SLC38A1: variants seen among roughly 807,000 people sequenced by gnomAD.
The protein encoded by SLC38A1 is sodium-coupled neutral amino acid symporter 1.
Under a neutral mutation model 60.3 loss-of-function variants are expected in SLC38A1, and 18 were observed. That is an observed-to-expected ratio of 0.30 (90% confidence interval 0.21 to 0.44). The LOEUF (loss-of-function observed/expected upper bound fraction) is 0.44, where lower values mean the gene tolerates loss of function less well. Among genes scored for constraint, SLC38A1 ranks in the 20% least tolerant of loss-of-function variants. The probability of loss-of-function intolerance (pLI) is 1.00; values close to 1 mark genes in which losing one functional copy is unlikely to be tolerated. For synonymous variants in SLC38A1, 196 were observed against 212.1 expected (o/e 0.92, Z 0.66); for missense variants, 448 against 587.2 (o/e 0.76, Z 2.45).
At chr12:46,232,654 T>C (rs1238644084) in intron 3 of SLC38A1, among the ~76,000 whole-genome samples, 1 of 152,238 alleles carries the variant, frequency 6.6e-6, no homozygotes, top group Non-Finnish European at 1.5e-5. Flanking sequence ...TTAAGTGTTG[T>C]TGTCAAAAGA....
chr12:46,250,848 C>G (rs767015892), intron 1 of SLC38A1, among the ~76,000 whole-genome samples: 1 of 152,116 alleles, frequency 6.6e-6, no homozygotes, highest in Non-Finnish European at 1.5e-5. Context: ...AAAGAGGACA[C>G]AAACAAATGG....
At chr12:46,254,987 T>C (rs1390986019) in intron 1 of SLC38A1, 1 of 152,258 alleles carries the variant, frequency 6.6e-6, no homozygotes, top group East Asian at 1.9e-4. Context: ...GTCAAAAAGA[T>C]TACTTTAGTC....
At chr12:46,196,550 C>A (rs1446566799) in intron 16 of SLC38A1, among the ~76,000 whole-genome samples, 1 of 152,198 alleles carries the variant, frequency 6.6e-6, no homozygotes, top group East Asian at 1.9e-4. Flanking sequence ...TAAGCCCCTA[C>A]AGATAAGGCT....
chr12:46,256,613 G>GCGCACACACACACACACACACA (rs1555192371), intron 1 of SLC38A1, among the ~76,000 whole-genome samples: 1 of 107,460 alleles, frequency 9.3e-6, no homozygotes, highest in African/African-American at 3.5e-5. Flanking sequence ...GCGCGCGCGC[G>GCGCACACACACACACACACACA]CACACACACA....
intron 2 of SLC38A1, among the ~76,000 whole-genome samples, chr12:46,241,509 G>A (rs1941447203): frequency 6.6e-6 from 1 of 152,154 alleles, no homozygotes; most frequent in African/African-American, 2.4e-5. Flanking sequence ...TAGGAACCTT[G>A]TCTTGTCTTC....
chr12:46,193,759 CT>C (rs371675671), intron 16 of SLC38A1, among the ~76,000 whole-genome samples: 40 of 147,034 alleles, frequency 2.7e-4, no homozygotes, highest in East Asian at 3.9e-4. Context: ...GCAAGTCCTG[CT>C]TTTTTTTTTG....
intron 9 of SLC38A1, 131 bp from the exon 10 acceptor site, chr12:46,204,721 AT>A: frequency 1.6e-6 from 1 of 638,290 alleles, no homozygotes; most frequent in South Asian, 2.2e-5. Context: ...TTTGAAGCAT[AT>A]TTTAGAGATC....
chr12:46,205,479 G>T (rs1433738131), intron 9 of SLC38A1, among the ~76,000 whole-genome samples: 2 of 152,070 alleles, frequency 1.3e-5, no homozygotes, highest in Non-Finnish European at 2.9e-5. Flanking sequence ...TGGCAGTCTG[G>T]TCACATTATT....
chr12:46,222,955 A>C (rs1049953673), intron 5 of SLC38A1, among the ~76,000 whole-genome samples: 4 of 152,360 alleles, frequency 2.6e-5, no homozygotes, highest in African/African-American at 9.6e-5. Flanking sequence ...TTGGTGGAAC[A>C]CTAGCAAGAT....
intron 5 of SLC38A1, among the ~76,000 whole-genome samples, chr12:46,221,582 C>T (rs1432918035): frequency 1.3e-5 from 2 of 152,130 alleles, no homozygotes; most frequent in Admixed American, 1.3e-4. Flanking sequence ...TGCCCTAAAG[C>T]CTTGTTTCTG....
chr12:46,217,672 C>G (rs1173091296), intron 5 of SLC38A1, among the ~76,000 whole-genome samples: 1 of 152,204 alleles, frequency 6.6e-6, no homozygotes, highest in Non-Finnish European at 1.5e-5. Flanking sequence ...CATAATTATT[C>G]AGTCCTAAAG....
At chr12:46,233,084 T>C (rs145206059) in intron 3 of SLC38A1, among the ~76,000 whole-genome samples, 68 of 152,232 alleles carry the variant, frequency 4.5e-4, no homozygotes, top group African/African-American at 1.5e-3. Flanking sequence ...AGTGACACAA[T>C]CATAGCTCAC....
At chr12:46,261,063 T>C (rs1362471798) in intron 1 of SLC38A1, among the ~76,000 whole-genome samples, 3 of 152,234 alleles carry the variant, frequency 2.0e-5, no homozygotes, top group Non-Finnish European at 1.5e-5. Flanking sequence ...TCTACTCTTA[T>C]GCAGTTTTCT....
chr12:46,200,593 T>A (rs1219302466), intron 13 of SLC38A1, among the ~76,000 whole-genome samples: 1 of 152,192 alleles, frequency 6.6e-6, no homozygotes, highest in East Asian at 1.9e-4. Context: ...GTTCCCTTTT[T>A]CAGATTTCAT....
chr12:46,216,680 G>T (rs1311588650), intron 5 of SLC38A1, among the ~76,000 whole-genome samples: 1 of 152,144 alleles, frequency 6.6e-6, no homozygotes, highest in African/African-American at 2.4e-5. Context: ...GTGAAACCCC[G>T]TATCTACGTT....
chr12:46,250,976 G>T (rs189446099), intron 1 of SLC38A1, among the ~76,000 whole-genome samples: 2 of 152,164 alleles, frequency 1.3e-5, no homozygotes, highest in African/African-American at 4.8e-5. Flanking sequence ...TTTCTTCACA[G>T]AATTGGAAAA....
At chr12:46,199,876 C>T (rs974061054) in intron 13 of SLC38A1, among the ~76,000 whole-genome samples, 3 of 152,172 alleles carry the variant, frequency 2.0e-5, no homozygotes, top group East Asian at 1.9e-4. Context: ...TAGAGCTTAG[C>T]TTGGTCTCAG....
intron 5 of SLC38A1, among the ~76,000 whole-genome samples, chr12:46,215,276 C>G (rs1030795356): frequency 2.6e-5 from 4 of 152,190 alleles, no homozygotes; most frequent in African/African-American, 9.7e-5. Context: ...AAACACAGAC[C>G]CCACGGCTAC....
intron 1 of SLC38A1, among the ~76,000 whole-genome samples, chr12:46,245,637 A>G (rs1190169732): frequency 6.6e-6 from 1 of 152,180 alleles, no homozygotes; most frequent in African/African-American, 2.4e-5. Context: ...AAAGAAAATG[A>G]AATCACCACC....
Sources: allele counts gnomAD v4.1 joint callset (sites outside exome capture counted in the v4.1 genomes callset), GRCh38; gene constraint gnomAD v4.1.1; transcripts MANE v1.5; gene names NCBI Gene and HGNC (gene_info 2026-07-23, HGNC 2026-07-21).